OGA: variants seen among roughly 807,000 people sequenced by gnomAD.
OGA encodes the protein O-GlcNAcase.
A neutral mutation model predicts 102.0 loss-of-function variants in OGA; 21 were observed. The ratio of observed to expected loss-of-function variants is 0.21; its 90% CI spans 0.15 to 0.30. OGA has a LOEUF of 0.30. Among genes scored for constraint, OGA ranks in the 10% least tolerant of loss-of-function variants. The pLI is 1.00. For synonymous variants in OGA, 408 were observed against 378.2 expected (o/e 1.08, Z -0.91); for missense variants, 765 against 1,107.8 (o/e 0.69, Z 4.39).
rs773173923 is a variant in OGA at position 101,800,396 on chromosome 10, G to T, written c.1041C>A (p.Asp347Glu). ...GGATGGACACAGTACTATCTTCACT[G>T]TCAGCTGCAAAAAATAAAATAAAAA... ...NGVRKDVVMT[D>E]SEDSTVSIQI... Residue 347 changes from aspartate (D) to glutamate (E), a missense_variant, in exon 8 of 16, where the codon GAC becomes GAA. Asp to Glu is a conservative substitution (Grantham distance 45, BLOSUM62 2). Transcript: ENST00000361464. The T allele has an allele frequency of 3.1e-6, 5 of 1,601,642 alleles. No homozygotes were observed. Among genetic ancestry groups the T allele is most frequent in the Non-Finnish European group, 4.3e-6 (5 of 1,175,334 alleles).
intron 14 of OGA, among the ~76,000 whole-genome samples, chr10:101,789,166 T>C (rs1318989566): frequency 6.6e-6 from 1 of 152,128 alleles, no homozygotes; most frequent in Non-Finnish European, 1.5e-5. Flanking sequence ...TACACAGCCA[T>C]GTGACTAAGG....
At chr10:101,786,694 G>C in intron 15 of OGA, 107 bp from the exon 16 acceptor site, 3 of 903,262 alleles carry the variant, frequency 3.3e-6, no homozygotes, top group Non-Finnish European at 4.6e-6. Context: ...GGGCTTGTCT[G>C]TCTACACCAG....
intron 14 of OGA, among the ~76,000 whole-genome samples, chr10:101,788,684 G>A (rs1057014756): frequency 4.0e-5 from 6 of 150,514 alleles, no homozygotes; most frequent in South Asian, 4.2e-4. Flanking sequence ...GCAGTGAGCC[G>A]AGATCGCACC....
Position 101,799,306 on chromosome 10 carries a change from T to C in OGA, c.1345A>G (p.Thr449Ala). ...TTTTCTTCTTCCTTGGTCAGAGTAGTAGGCTCACCACTCAAGGCTGCTCCC... is the reference window on the plus strand; with the variant it reads ...TTTTCTTCTTCCTTGGTCAGAGTAGCAGGCTCACCACTCAAGGCTGCTCCC... ...SQGAALSGEP[T>A]TLTKEEEKKQ... Residue 449 changes from threonine (T) to alanine (A), a missense_variant, in exon 9 of 16, where the codon ACT becomes GCT. Thr to Ala is a moderately conservative substitution (Grantham distance 58). This residue lies in a region of OGA where 281 missense variants were observed against 345.8 expected (regional missense o/e 0.81). Coordinates refer to ENST00000361464, the MANE Select transcript of OGA (RefSeq NM_012215.5). The C allele has an allele frequency of 6.2e-7, 1 of 1,614,178 alleles. No individual in the cohort carries two copies. The highest frequency in any genetic ancestry group is 2.2e-5 in the East Asian group (1 of 44,892).
intron 9 of OGA, among the ~76,000 whole-genome samples, chr10:101,798,428 T>C (rs1221850590): frequency 2.6e-5 from 4 of 151,148 alleles, no homozygotes; most frequent in African/African-American, 7.3e-5. Context: ...TTTTTTTTTT[T>C]TGAGACAGTT....
chr10:101,804,854 C>T (rs1028636939), intron 6 of OGA, among the ~76,000 whole-genome samples: 1 of 152,156 alleles, frequency 6.6e-6, no homozygotes, highest in Non-Finnish European at 1.5e-5. Flanking sequence ...ACTCAAGCCT[C>T]CCACAGCACT....
chr10:101,803,638 G>GT (rs1185535200), intron 7 of OGA, 97 bp downstream of exon 7: 23 of 1,246,598 alleles, frequency 1.8e-5, no homozygotes, highest in African/African-American at 6.1e-5. Flanking sequence ...AAATAAAACT[G>GT]TTTAAGTTGT....
chr10:101,808,440 T>G (rs1028278992), intron 4 of OGA, among the ~76,000 whole-genome samples: 12 of 152,104 alleles, frequency 7.9e-5, no homozygotes, highest in African/African-American at 2.9e-4. Context: ...TAAGTAACCT[T>G]AAGACATGAA....
chr10:101,809,660 G>A (rs567510782), intron 4 of OGA, among the ~76,000 whole-genome samples: 6 of 146,952 alleles, frequency 4.1e-5, no homozygotes, highest in South Asian at 2.1e-4. Flanking sequence ...GCAGTGAGCC[G>A]AGATTGGGCC....
At chr10:101,799,546 C>A in intron 8 of OGA, 91 bp from the exon 9 acceptor site, 1 of 1,349,346 alleles carries the variant, frequency 7.4e-7, no homozygotes, top group South Asian at 1.5e-5. Flanking sequence ...GATGCTTTAT[C>A]ATATTTGTTA....
chr10:101,803,448 TA>T (rs575226082), intron 7 of OGA, among the ~76,000 whole-genome samples: 7,727 of 74,196 alleles, frequency 0.1, 191 homozygotes, highest in Middle Eastern at 0.2. Flanking sequence ...TGAATCATAC[TA>T]AAAAAAAAAA....
At chr10:101,814,545 G>C (rs1326482454) in intron 1 of OGA, among the ~76,000 whole-genome samples, 1 of 152,080 alleles carries the variant, frequency 6.6e-6, no homozygotes. Context: ...GCCAAGATCC[G>C]CGCCATTGCA....
chr10:101,800,902 G>A (rs924094817), intron 7 of OGA, among the ~76,000 whole-genome samples: 1 of 151,004 alleles, frequency 6.6e-6, no homozygotes, highest in African/African-American at 2.4e-5. Flanking sequence ...AGCCTCCCCA[G>A]TAGCTGGGAC....
intron 2 of OGA, 76 bp downstream of exon 2, chr10:101,813,479 G>C (rs1353585027): frequency 1.2e-5 from 11 of 944,710 alleles, no homozygotes; most frequent in Non-Finnish European, 9.7e-6. Context: ...GCTATTCACT[G>C]TTAGTATTTC....
chr10:101,787,779 T>C, intron 14 of OGA: 5 of 382,174 alleles, frequency 1.3e-5, no homozygotes, highest in East Asian at 8.7e-5. Context: ...TCTCTCTCTC[T>C]CTTTCCCTAT....
chr10:101,806,260 T>A (rs1431013908), intron 5 of OGA, 117 bp from the exon 6 acceptor site: 4 of 596,458 alleles, frequency 6.7e-6, no homozygotes, highest in Non-Finnish European at 1.2e-5. Context: ...TAGAGTGCAG[T>A]GGCACGATCT....
intron 14 of OGA, among the ~76,000 whole-genome samples, chr10:101,788,865 T>C (rs571449474): frequency 5.9e-5 from 9 of 152,248 alleles, no homozygotes; most frequent in Non-Finnish European, 1.3e-4. Context: ...GTTGGTTACT[T>C]AGACTTCACC....
In OGA at chr10:101,800,213, C is replaced by A. The variant is rs762785045; in HGVS notation, c.1195+29G>T. Reference sequence around the variant, plus strand: ...TTTGTGACTCAACTATGTGATCTAACCCCCTTAACAAAGAATGGCCAAACT... The same window carrying A: ...TTTGTGACTCAACTATGTGATCTAAACCCCTTAACAAAGAATGGCCAAACT... On this transcript the variant is annotated intron_variant, in intron 8 of 15. Coordinates refer to ENST00000361464, the MANE Select transcript of OGA (RefSeq NM_012215.5). 4.4e-6 allele frequency: 7 copies of A among 1,603,498 alleles called. No homozygotes were observed. In the African/African-American group the frequency reaches 8.0e-5, roughly 18 times the overall value.
Position 101,806,150 on chromosome 10 carries a change from G to T in OGA, c.653-7C>A, listed in dbSNP as rs2065469735. 6.5e-7 allele frequency: 1 copy of T among 1,539,930 alleles called. No homozygotes were observed. The highest frequency in any genetic ancestry group is 9.0e-7 in the Non-Finnish European group (1 of 1,113,656). On this transcript the variant is annotated splice_polypyrimidine_tract_variant and splice_region_variant and intron_variant, in intron 5 of 15. Coordinates refer to ENST00000361464, the MANE Select transcript of OGA (RefSeq NM_012215.5). ...CAGAAAGTGCCACAGTATTCTAAAT[G>T]TAGGGAGAAAAGTAAAAAAGTCAGA...
Sources: gnomAD v4.1 joint callset for allele counts (sites outside exome capture counted in the v4.1 genomes callset) on GRCh38, gnomAD v4.1.1 for gene constraint, gnomAD v4.1.1 regional missense constraint, MANE v1.5 for transcripts, NCBI Gene and HGNC (gene_info 2026-07-23, HGNC 2026-07-21) for gene names.